FGD4: variants seen among roughly 807,000 people sequenced by gnomAD.
FGD4 encodes the protein FYVE, RhoGEF and PH domain containing 4.
In FGD4, 42 loss-of-function variants were observed where a neutral mutation model predicts 102.0. The observed-to-expected ratio is 0.41, with a 90% CI of 0.32 to 0.53. FGD4 has a LOEUF of 0.53. Among genes scored for constraint, FGD4 ranks in the 20% least tolerant of loss-of-function variants. The pLI, the probability that FGD4 is intolerant of heterozygous loss-of-function variation, is 0.21. For missense variants in FGD4, 902 were observed against 1,078.2 expected (o/e 0.84, Z 2.29); for synonymous variants, 380 against 375.7 (o/e 1.01, Z -0.13).
In FGD4 at chr12:32,458,238, TTGCTCAC is replaced by T. The variant is rs1369726635; in HGVS notation, c.166+58283_166+58289del. ...AGGCTGAAGTTCAGTACTGTGATCA[TTGCTCAC>T]TGCAGTCTTGACCTCCCTGGGCTCA... On this transcript the variant is annotated intron_variant, in intron 1 of 16. Transcript: ENST00000534526. Among the ~76,000 whole-genome samples, 3 of 152,196 alleles carry T rather than the reference TTGCTCAC, an allele frequency of 2.0e-5. No homozygotes were observed. The East Asian group carries it at 5.8e-4, about 29-fold the overall frequency.
chr12:32,578,152 G>A (rs1403613188), intron 3 of FGD4, among the ~76,000 whole-genome samples: 1 of 151,966 alleles, frequency 6.6e-6, no homozygotes, highest in Non-Finnish European at 1.5e-5. Context: ...TTTTTTTTAA[G>A]CAAGTTTGTT....
At chr12:32,447,679 A>G (rs1942660493) in intron 1 of FGD4, among the ~76,000 whole-genome samples, 1 of 152,242 alleles carries the variant, frequency 6.6e-6, no homozygotes, top group Admixed American at 6.5e-5. Flanking sequence ...GACACAGGTC[A>G]GATCACTTAT....
At chr12:32,533,815 A>C (rs1379790561) in intron 1 of FGD4, among the ~76,000 whole-genome samples, 1 of 152,266 alleles carries the variant, frequency 6.6e-6, no homozygotes, top group East Asian at 1.9e-4. Flanking sequence ...ATATTTTACC[A>C]GTTAAACTAT....
chr12:32,433,580 G>A (rs11052001), intron 1 of FGD4, among the ~76,000 whole-genome samples: 26,181 of 151,708 alleles, frequency 0.17, 2,953 homozygotes, highest in East Asian at 0.27. Context: ...CAGGTGATCC[G>A]CCCACCTCGG....
rs1343516231 is a variant in FGD4, at chr12:32,564,253, C to G, written c.283C>G (p.Pro95Ala). 1.3e-6 allele frequency: 2 copies of G among 1,535,982 alleles called. No individual in the cohort carries two copies. Among genetic ancestry groups the G allele is most frequent in the Admixed American group, 3.9e-5 (2 of 50,978 alleles). Reference sequence around the variant, plus strand: ...GGCTCAGGGAATAAATGGGAACAGGCCAGCAAAACACTCAGCTGCAAGTCC... The same window carrying G: ...GGCTCAGGGAATAAATGGGAACAGGGCAGCAAAACACTCAGCTGCAAGTCC... Reference protein sequence around the residue: ...EEAQGINGNRPAKHSAASPKP... With the variant: ...EEAQGINGNRAAKHSAASPKP... The change falls in exon 2 of 17, where the codon CCA (proline) becomes GCA (alanine). Residue 95 changes from proline to alanine, a missense_variant. Pro to Ala is a conservative substitution (Grantham distance 27). Transcript: ENST00000534526.
intron 7 of FGD4, among the ~76,000 whole-genome samples, chr12:32,606,854 G>A (rs897641387): frequency 2.0e-5 from 3 of 152,116 alleles, no homozygotes; most frequent in Admixed American, 1.3e-4. Context: ...CTAAGAAATG[G>A]AGCTCTATTT....
At position 32,503,581 on chromosome 12, in the gene FGD4, A is replaced by C. The variant is rs149836445; in HGVS notation, c.167-60556A>C. Among the ~76,000 whole-genome samples the C allele has an allele frequency of 7.6e-4, 116 of 152,298 alleles. No individual in the cohort carries two copies. In the East Asian group the frequency reaches 0.013, roughly 17 times the overall value. ...TAAAATCTTACCCTCTTTTGTGCTTACTGGTGTTTGTACATCATTATTATT... is the reference window on the plus strand; with the variant it reads ...TAAAATCTTACCCTCTTTTGTGCTTCCTGGTGTTTGTACATCATTATTATT... On this transcript the variant is annotated intron_variant, in intron 1 of 16. Coordinates refer to ENST00000534526, the MANE Select transcript of FGD4 (RefSeq NM_001370298.3).
intron 11 of FGD4, among the ~76,000 whole-genome samples, chr12:32,621,973 C>T (rs921852128): frequency 1.6e-4 from 24 of 152,122 alleles, no homozygotes; most frequent in African/African-American, 5.5e-4. Flanking sequence ...CTGCAACCTC[C>T]ATACCCTGGG....
At chr12:32,475,372 A>G (rs902572243) in intron 1 of FGD4, among the ~76,000 whole-genome samples, 2 of 152,214 alleles carry the variant, frequency 1.3e-5, no homozygotes. Flanking sequence ...TACTCCCACA[A>G]ATCGTTTTAA....
At chr12:32,434,723 C>T (rs1463771912) in intron 1 of FGD4, among the ~76,000 whole-genome samples, 1 of 152,128 alleles carries the variant, frequency 6.6e-6, no homozygotes, top group Non-Finnish European at 1.5e-5. Flanking sequence ...TAGATATTGA[C>T]ATTTAGAACA....
chr12:32,488,428 G>A (rs1943980002), intron 1 of FGD4, among the ~76,000 whole-genome samples: 1 of 151,826 alleles, frequency 6.6e-6, no homozygotes, highest in African/African-American at 2.4e-5. Context: ...GAATTTGGAA[G>A]TTTGAAGACT....
At chr12:32,534,425 A>G (rs1184560919) in intron 1 of FGD4, 3 of 1,523,082 alleles carry the variant, frequency 2.0e-6, no homozygotes, top group African/African-American at 2.8e-5. Flanking sequence ...TTAAAAGAGT[A>G]AAGCCAAATA....
chr12:32,410,965 C>T (rs1213976787), intron 1 of FGD4, among the ~76,000 whole-genome samples: 1 of 139,392 alleles, frequency 7.2e-6, no homozygotes, highest in South Asian at 2.3e-4. Flanking sequence ...GAGTCTCACT[C>T]TGTCGCCCAG....
intron 1 of FGD4, among the ~76,000 whole-genome samples, chr12:32,517,351 A>G (rs950517233): frequency 6.6e-6 from 1 of 152,094 alleles, no homozygotes; most frequent in African/African-American, 2.4e-5. Flanking sequence ...TGAGGTAATG[A>G]TGTCTTCAGC....
chr12:32,558,265 T>G (rs6488064), intron 1 of FGD4, among the ~76,000 whole-genome samples: 47,443 of 152,102 alleles, frequency 0.31, 8,550 homozygotes, highest in African/African-American at 0.48. Context: ...AAGTGGTTTT[T>G]GGTTTTTTAA....
chr12:32,575,941 G>A (rs1443323053), intron 2 of FGD4, among the ~76,000 whole-genome samples: 13 of 152,142 alleles, frequency 8.5e-5, no homozygotes, highest in Admixed American at 8.5e-4. Context: ...TTTCCCTGTT[G>A]AGATGAATAA....
At chr12:32,603,234 C>T (rs940256013) in intron 7 of FGD4, among the ~76,000 whole-genome samples, 3 of 152,140 alleles carry the variant, frequency 2.0e-5, no homozygotes, top group African/African-American at 7.2e-5. Context: ...TTTGCCCTTT[C>T]TGGAGTAAGT....
chr12:32,439,069 AT>A (rs1942337418), intron 1 of FGD4, among the ~76,000 whole-genome samples: 1 of 152,184 alleles, frequency 6.6e-6, no homozygotes, highest in South Asian at 2.1e-4. Flanking sequence ...TATTGAACTT[AT>A]TCTTCCTATC....
chr12:32,526,929 C>T (rs544785842), intron 1 of FGD4, among the ~76,000 whole-genome samples: 28 of 152,204 alleles, frequency 1.8e-4, no homozygotes, highest in African/African-American at 6.3e-4. Context: ...TATAGTATTA[C>T]GTCGCATGAA....
Sources: gnomAD v4.1 joint callset for allele counts (sites outside exome capture counted in the v4.1 genomes callset) on GRCh38, gnomAD v4.1.1 for gene constraint, MANE v1.5 for transcripts, NCBI Gene and HGNC (gene_info 2026-07-23, HGNC 2026-07-21) for gene names.